The following ATP2C1 variants were observed in gnomAD, a reference collection of about 807,000 sequenced individuals.
ATP2C1 encodes the protein calcium-transporting ATPase type 2C member 1.
In ATP2C1, 31 loss-of-function variants were observed where a neutral mutation model predicts 120.5. That is an observed-to-expected ratio of 0.26 (90% confidence interval 0.19 to 0.35). The LOEUF is 0.35. Among genes scored for constraint, ATP2C1 ranks in the 10% least tolerant of loss-of-function variants. The pLI is 1.00. For missense variants in ATP2C1, 731 were observed against 1,107.5 expected, an observed-to-expected ratio of 0.66 and a Z score of 4.83; for synonymous variants, 351 against 358.7, an observed-to-expected ratio of 0.98 and a Z score of 0.24.
intron 26 of ATP2C1, 124 bp downstream of exon 26, chr3:130,998,513 C>T: frequency 5.5e-6 from 4 of 732,128 alleles, no homozygotes; most frequent in Admixed American, 4.0e-5. Flanking sequence ...GATTGCAGCC[C>T]CAGACACAGC....
At chr3:130,862,528 A>T (rs1383352809) in intron 1 of ATP2C1, among the ~76,000 whole-genome samples, 1 of 151,832 alleles carries the variant, frequency 6.6e-6, no homozygotes, top group Non-Finnish European at 1.5e-5. Context: ...TAATTCAGAT[A>T]CTCCCCTGAC....
At chr3:130,908,527 G>A (rs1308539428) in intron 2 of ATP2C1, among the ~76,000 whole-genome samples, 1 of 151,564 alleles carries the variant, frequency 6.6e-6, no homozygotes, top group Non-Finnish European at 1.5e-5. Flanking sequence ...ATGGCTGGCA[G>A]TATACACAGA....
At chr3:130,994,160 C>T in intron 22 of ATP2C1, 62 bp downstream of exon 22, 7 of 1,584,898 alleles carry the variant, frequency 4.4e-6, no homozygotes, top group Non-Finnish European at 5.2e-6. Context: ...CTGTCCCCCA[C>T]CCCTAGAGAA....
intron 2 of ATP2C1, among the ~76,000 whole-genome samples, chr3:130,929,168 A>T (rs1559935081): frequency 6.6e-6 from 1 of 152,172 alleles, no homozygotes; most frequent in South Asian, 2.1e-4. Context: ...TTATTCACCG[A>T]TATCTCCTCA....
intron 2 of ATP2C1, among the ~76,000 whole-genome samples, chr3:130,920,347 A>T (rs1260163331): frequency 2.6e-5 from 4 of 151,874 alleles, no homozygotes; most frequent in Admixed American, 2.6e-4. Context: ...TTTTCAGTTG[A>T]TTTTTGTGTA....
intron 2 of ATP2C1, among the ~76,000 whole-genome samples, chr3:130,896,099 A>T (rs570620675): frequency 2.6e-5 from 4 of 152,322 alleles, no homozygotes; most frequent in African/African-American, 9.6e-5. Context: ...GCATTCATAT[A>T]CTTGTTTCTT....
At chr3:130,944,963 A>G (rs988750787) in intron 8 of ATP2C1, among the ~76,000 whole-genome samples, 1 of 152,242 alleles carries the variant, frequency 6.6e-6, no homozygotes, top group African/African-American at 2.4e-5. Context: ...TATAAATGCT[A>G]TGTCAACAGT....
At chr3:130,880,654 C>T (rs2068752793) in intron 1 of ATP2C1, among the ~76,000 whole-genome samples, 1 of 152,188 alleles carries the variant, frequency 6.6e-6, no homozygotes, top group African/African-American at 2.4e-5. Context: ...TATCATTTAT[C>T]TCATAAACTA....
intron 14 of ATP2C1, among the ~76,000 whole-genome samples, chr3:130,965,451 T>G (rs1331822855): frequency 1.3e-5 from 2 of 152,082 alleles, no homozygotes; most frequent in Non-Finnish European, 2.9e-5. Flanking sequence ...TTGAGGGATC[T>G]TTTTAGAACC....
intron 27 of ATP2C1, 58 bp downstream of exon 27, chr3:130,999,717 G>A (rs2062798689): frequency 5.5e-6 from 8 of 1,463,576 alleles, no homozygotes; most frequent in Non-Finnish European, 7.5e-6. Context: ...ATTTTCTAAT[G>A]TGTTTGTTTT....
chr3:130,967,458 C>A, intron 16 of ATP2C1, 39 bp downstream of exon 16: 1 of 1,525,808 alleles, frequency 6.6e-7, no homozygotes, highest in Non-Finnish European at 9.1e-7. Flanking sequence ...ATTTGAGACA[C>A]TGCCCTCACA....
chr3:130,908,787 A>G (rs899833807), intron 2 of ATP2C1, among the ~76,000 whole-genome samples: 3 of 152,128 alleles, frequency 2.0e-5, no homozygotes, highest in African/African-American at 4.8e-5. Flanking sequence ...ATTGTTTTGT[A>G]TATAATCCCT....
chr3:130,957,168 A>G (rs1342570238), intron 11 of ATP2C1, among the ~76,000 whole-genome samples: 1 of 152,238 alleles, frequency 6.6e-6, no homozygotes, highest in Non-Finnish European at 1.5e-5. Flanking sequence ...ATGGGTTAAA[A>G]CATCCCCTTT....
chr3:130,962,730 AAAG>A (rs1190577145), intron 12 of ATP2C1, among the ~76,000 whole-genome samples: 1 of 149,152 alleles, frequency 6.7e-6, no homozygotes, highest in Admixed American at 6.7e-5. Flanking sequence ...AAAAAAAAAA[AAAG>A]AAAAGAAAAA....
At chr3:130,992,865 G>T in intron 20 of ATP2C1, 86 bp from the exon 21 acceptor site, 1 of 1,100,538 alleles carries the variant, frequency 9.1e-7, no homozygotes, top group Non-Finnish European at 1.4e-6. Flanking sequence ...AAATTGATGA[G>T]TTTTTCATCA....
At chr3:130,930,385 C>T in intron 2 of ATP2C1, 31 bp from the exon 3 acceptor site, 1 of 1,370,738 alleles carries the variant, frequency 7.3e-7, no homozygotes, top group East Asian at 2.3e-5. Context: ...TTGCTATATT[C>T]AAATATTTTT....
chr3:130,945,486 A>G (rs937995411), intron 8 of ATP2C1, among the ~76,000 whole-genome samples: 20 of 25,114 alleles, frequency 8.0e-4, no homozygotes, highest in Non-Finnish European at 2.8e-3. Context: ...TTTACATTAG[A>G]TAATATCTCC....
intron 2 of ATP2C1, among the ~76,000 whole-genome samples, chr3:130,906,031 G>A (rs2058105597): frequency 1.3e-5 from 2 of 152,072 alleles, no homozygotes; most frequent in African/African-American, 4.8e-5. Context: ...TCTCATAGCT[G>A]TGGTAAATCA....
rs1305612056 is a variant in ATP2C1, at chr3:130,993,003, T to C, written c.1890+2T>C. ...AGGCACAAGATGAAAATTATTAAGGTGAGTGTGTAAGAATCAGATTGTTTT... is the reference window on the plus strand; with the variant it reads ...AGGCACAAGATGAAAATTATTAAGGCGAGTGTGTAAGAATCAGATTGTTTT... On this transcript the variant is annotated splice_donor_variant, in intron 21 of 27. Coordinates refer to ENST00000510168, the MANE Select transcript of ATP2C1 (RefSeq NM_001378687.1). LOFTEE classifies it high-confidence loss of function. 6.2e-7 allele frequency: 1 copy of C among 1,610,946 alleles called. No homozygotes were observed. The highest frequency in any genetic ancestry group is 1.7e-5 in the Admixed American group (1 of 59,994).
Sources: gnomAD v4.1 joint callset for allele counts (sites outside exome capture counted in the v4.1 genomes callset) on GRCh38, gnomAD v4.1.1 for gene constraint, MANE v1.5 for transcripts, NCBI Gene and HGNC (gene_info 2026-07-23, HGNC 2026-07-21) for gene names.